The following ADGRL2 variants were observed in gnomAD, a reference collection of about 807,000 sequenced individuals.
ADGRL2 encodes the protein calcium-independent alpha-latrotoxin receptor 2.
ADGRL2 carries 44 observed loss-of-function variants against 157.4 expected under a neutral mutation model. The observed-to-expected ratio is 0.28, with a 90% CI of 0.22 to 0.36. ADGRL2 has a LOEUF of 0.36. ADGRL2 is among the 10% of genes least tolerant of loss of function. ADGRL2 has a pLI of 1.00. For missense variants in ADGRL2, 1,510 were observed against 1,768.9 expected, an observed-to-expected ratio of 0.85 and a Z score of 2.63; for synonymous variants, 585 against 624.7, an observed-to-expected ratio of 0.94 and a Z score of 0.95.
At position 81,889,535 on chromosome 1, in the gene ADGRL2, G is replaced by A. The variant is rs930401637; in HGVS notation, c.74-17482G>A. On this transcript the variant is annotated intron_variant, in intron 2 of 23. Coordinates refer to ENST00000686636, the MANE Select transcript of ADGRL2 (RefSeq NM_001366006.2). Reference sequence around the variant, plus strand: ...ACAGTTACCAGAGGTTAGCTCATGGGGCTGAAGGAAAGAAGCCATTGTTCC... The same window carrying A: ...ACAGTTACCAGAGGTTAGCTCATGGAGCTGAAGGAAAGAAGCCATTGTTCC... Among the ~76,000 whole-genome samples, 7 of 151,906 alleles carry A rather than the reference G, an allele frequency of 4.6e-5. 1 individual carries two copies. Among genetic ancestry groups the A allele is most frequent in the African/African-American group, 1.7e-4 (7 of 41,408 alleles).
At chr1:81,334,053 T>C (rs549969112) in intron 1 of ADGRL2, among the ~76,000 whole-genome samples, 1 of 152,340 alleles carries the variant, frequency 6.6e-6, no homozygotes, top group South Asian at 2.1e-4. Flanking sequence ...CTTTAAGAAA[T>C]AAAACAAATA....
chr1:81,762,484 A>T (rs898291857), intron 2 of ADGRL2, among the ~76,000 whole-genome samples: 1 of 152,290 alleles, frequency 6.6e-6, no homozygotes, highest in African/African-American at 2.4e-5. Flanking sequence ...AATACTAAAA[A>T]TTAATCTTAT....
At chr1:81,749,006 C>T (rs1479250684) in intron 1 of ADGRL2, among the ~76,000 whole-genome samples, 1 of 151,986 alleles carries the variant, frequency 6.6e-6, no homozygotes, top group Non-Finnish European at 1.5e-5. Context: ...TTCCAGCATA[C>T]TGTTTGAAGT....
intron 3 of ADGRL2, among the ~76,000 whole-genome samples, chr1:81,610,319 G>A (rs2081516920): frequency 6.7e-6 from 1 of 148,804 alleles, no homozygotes. Context: ...TGAGTTTAGA[G>A]AGCAGCTAGA....
chr1:81,518,972 T>A (rs1177734589), intron 2 of ADGRL2, among the ~76,000 whole-genome samples: 1 of 152,212 alleles, frequency 6.6e-6, no homozygotes, highest in African/African-American at 2.4e-5. Flanking sequence ...ATATCTTATA[T>A]GTCTATAGCT....
At chr1:81,929,674 A>C (rs1293370889) in intron 3 of ADGRL2, among the ~76,000 whole-genome samples, 1 of 152,320 alleles carries the variant, frequency 6.6e-6, no homozygotes, top group Non-Finnish European at 1.5e-5. Flanking sequence ...ACAAATTTGC[A>C]TGAATAGTTG....
chr1:81,739,703 G>T (rs2149216670), intron 1 of ADGRL2, among the ~76,000 whole-genome samples: 1 of 152,314 alleles, frequency 6.6e-6, no homozygotes, highest in East Asian at 1.9e-4. Flanking sequence ...ATCAAAGTTA[G>T]ACTCAGTCTA....
chr1:81,658,754 C>CT (rs917769975), intron 3 of ADGRL2, among the ~76,000 whole-genome samples: 78 of 151,184 alleles, frequency 5.2e-4, no homozygotes, highest in African/African-American at 1.7e-3. Context: ...CTGCTAGTTC[C>CT]TTTTTTTTTC....
At chr1:81,738,011 T>G (rs1219562125) in intron 1 of ADGRL2, among the ~76,000 whole-genome samples, 1 of 152,170 alleles carries the variant, frequency 6.6e-6, no homozygotes, top group Admixed American at 6.6e-5. Flanking sequence ...GAATTCAAAA[T>G]TTGATAGAGT....
chr1:81,754,414 C>T (rs941305784), intron 1 of ADGRL2, among the ~76,000 whole-genome samples: 10 of 150,382 alleles, frequency 6.6e-5, no homozygotes, highest in African/African-American at 1.2e-4. Flanking sequence ...CCACCATGCC[C>T]GGCTTTTTTA....
chr1:81,748,426 G>A (rs544516366), intron 1 of ADGRL2, among the ~76,000 whole-genome samples: 125 of 127,084 alleles, frequency 9.8e-4, no homozygotes, highest in Non-Finnish European at 1.7e-3. Flanking sequence ...CTGAGATCGC[G>A]CCACCGCACT....
rs542941734 is a variant in ADGRL2 at position 81,864,507 on chromosome 1, T to A, written c.73+27450T>A. 6.1e-4 allele frequency among the ~76,000 whole-genome samples: 93 copies of A among 152,314 alleles called. 3 individuals carry two copies. Among genetic ancestry groups the A allele is most frequent in the Middle Eastern group, 3.4e-3 (1 of 294 alleles). On this transcript the variant is annotated intron_variant, in intron 2 of 23. Transcript: ENST00000686636. ...TATGACATATTAAGGATAAATTTTT[T>A]AAAAAATTAAGTGAATATTGCATTG...
chr1:81,935,041 TTAG>T (rs1305526425), intron 3 of ADGRL2, among the ~76,000 whole-genome samples: 1 of 151,984 alleles, frequency 6.6e-6, no homozygotes, highest in Non-Finnish European at 1.5e-5. Flanking sequence ...ATTATATTTA[TTAG>T]TTGGGAACAT....
chr1:81,306,357 C>A (rs1570572984), exon 1 of ADGRL2: 1 of 152,326 alleles, frequency 6.6e-6, no homozygotes, highest in Admixed American at 6.5e-5. Context: ...CACTCGTTCA[C>A]AGCCGCTCCT....
chr1:81,666,608 G>A (rs1042492724), intron 3 of ADGRL2, among the ~76,000 whole-genome samples: 2 of 152,176 alleles, frequency 1.3e-5, no homozygotes. Context: ...GGGGCCTGAT[G>A]TAAAAATGAT....
intron 1 of ADGRL2, among the ~76,000 whole-genome samples, chr1:81,826,722 C>G (rs1331361512): frequency 6.6e-6 from 1 of 152,022 alleles, no homozygotes; most frequent in Non-Finnish European, 1.5e-5. Context: ...TTATCCTTAT[C>G]GCCAGAGACA....
chr1:81,811,667 GT>G (rs1171832143), intron 1 of ADGRL2, among the ~76,000 whole-genome samples: 9 of 150,922 alleles, frequency 6.0e-5, no homozygotes, highest in East Asian at 1.9e-4. Context: ...ACCCAGATCA[GT>G]TTTTTTTTAA....
intron 6 of ADGRL2, among the ~76,000 whole-genome samples, chr1:81,948,221 A>AC (rs1165454742): frequency 6.0e-5 from 9 of 150,186 alleles, no homozygotes; most frequent in Non-Finnish European, 1.3e-4. Context: ...ATCTCAAAAA[A>AC]AAAAACAAAA....
chr1:81,791,104 G>A (rs149001131), intron 2 of ADGRL2, among the ~76,000 whole-genome samples: 447 of 149,482 alleles, frequency 3.0e-3, no homozygotes, highest in Admixed American at 4.2e-3. Context: ...AATGTGAGCA[G>A]GGAGGGCAGT....
Sources: allele counts gnomAD v4.1 joint callset (sites outside exome capture counted in the v4.1 genomes callset), GRCh38; gene constraint gnomAD v4.1.1; transcripts MANE v1.5; gene names NCBI Gene and HGNC (gene_info 2026-07-23, HGNC 2026-07-21).